The following LYSMD2 variants were observed in gnomAD, a reference collection of about 807,000 sequenced individuals.
LYSMD2 encodes LysM domain containing 2.
LYSMD2 carries 6 observed loss-of-function variants against 17.7 expected under a neutral mutation model. That is an observed-to-expected ratio of 0.34 (90% confidence interval 0.19 to 0.67). The LOEUF is 0.67. Among genes scored for constraint, LYSMD2 ranks in the 30% least tolerant of loss-of-function variants. The pLI is 0.69. For missense variants in LYSMD2, 237 were observed against 286.7 expected (o/e 0.83, Z 1.25); for synonymous variants, 102 against 129.8 (o/e 0.79, Z 1.45).
chr15:51,724,641 A>AG, intron 2 of LYSMD2, 149 bp downstream of exon 2: 2 of 512,568 alleles, frequency 3.9e-6, no homozygotes, highest in Non-Finnish European at 6.5e-6. Flanking sequence ...AAATTAAGAA[A>AG]GAAAGAAATT....
intron 1 of LYSMD2, among the ~76,000 whole-genome samples, chr15:51,748,983 G>A (rs1320809556): frequency 2.0e-5 from 3 of 152,126 alleles, no homozygotes; most frequent in Admixed American, 2.0e-4. Context: ...TTTCCTTTCT[G>A]CCATTTGACA....
intron 1 of LYSMD2, among the ~76,000 whole-genome samples, chr15:51,743,764 C>T (rs1313260021): frequency 6.6e-6 from 1 of 152,130 alleles, no homozygotes; most frequent in Non-Finnish European, 1.5e-5. Context: ...GAATACCTCC[C>T]CATTTATTCA....
chr15:51,741,855 G>A (rs957445414), upstream of LYSMD2, among the ~76,000 whole-genome samples: 15 of 151,848 alleles, frequency 9.9e-5, no homozygotes, highest in African/African-American at 2.2e-4. Context: ...GGGAGGCGGA[G>A]GTTACAGTGA....
At chr15:51,737,858 A>C, upstream of LYSMD2, 2 of 290,860 alleles carry the variant, frequency 6.9e-6, no homozygotes, top group Admixed American at 5.2e-5. The surrounding 1 kb of genome is among the most constrained non-coding windows in gnomAD (Gnocchi z 4.2). Flanking sequence ...TTAAGAGCGA[A>C]AGCAGCTCCC....
rs868812986 is a variant in LYSMD2, at chr15:51,751,217, C to G, written c.-1+54G>C. 5 of 700,572 alleles carry G rather than the reference C, an allele frequency of 7.1e-6. No individual in the cohort carries two copies. The Middle Eastern group carries it at 1.1e-3, about 161-fold the overall frequency. 43.4% of individuals were successfully genotyped at this position (700,572 alleles called of 1,614,324 possible). On this transcript the variant is annotated intron_variant, in intron 1 of 2. Coordinates refer to the LYSMD2 transcript ENST00000454181. ...CCTAGGCTGCCAACCCAACTACTCTCTCCTCCCACGCCCACGCCCAGCCAG... is the reference window on the plus strand; with the variant it reads ...CCTAGGCTGCCAACCCAACTACTCTGTCCTCCCACGCCCACGCCCAGCCAG...
rs775663983 is a variant in LYSMD2, at chr15:51,737,337, G to A, written c.273+13C>T. 8.2e-6 allele frequency: 11 copies of A among 1,346,640 alleles called. No homozygotes were observed. The East Asian group carries it at 2.8e-4, about 35-fold the overall frequency. The allele number at this position is 1,346,640 out of a possible 1,614,324, so 83.4% of individuals were successfully genotyped here. A position where few individuals can be genotyped will look rare whatever the true frequency, so the allele number is the denominator to read the frequency against. ...AGCTGCCAGCCCGGGCCGCGGCGGCGCGCCCTGCTCACCGTGACACCGTAC... is the reference window on the plus strand; with the variant it reads ...AGCTGCCAGCCCGGGCCGCGGCGGCACGCCCTGCTCACCGTGACACCGTAC... On this transcript the variant is annotated intron_variant, in intron 1 of 2. Coordinates refer to ENST00000267838, the MANE Select transcript of LYSMD2 (RefSeq NM_153374.3). The surrounding 1 kb of genome is among the most constrained non-coding windows in gnomAD (Gnocchi z 4.2).
chr15:51,725,120 A>G lies in LYSMD2; in HGVS notation c.275T>C (p.Met92Thr). ...TTTATTGGCCCTTTTAATCTGTTCC[A>G]TCTAAAATATAAAAAAGGAGACACA... ...QGIALKYGVT[M>T]EQIKRANKLF... The change falls in exon 2 of 3, where the codon ATG (methionine) becomes ACG (threonine). Residue 92 changes from methionine (M) to threonine (T), a missense_variant and splice_region_variant. Coordinates refer to ENST00000267838, the MANE Select transcript of LYSMD2 (RefSeq NM_153374.3). 1 of 1,557,542 alleles carries G rather than the reference A, an allele frequency of 6.4e-7. No individual in the cohort carries two copies. Among genetic ancestry groups the G allele is most frequent in the East Asian group, 2.3e-5 (1 of 44,394 alleles).
chr15:51,751,172 C>A, intron 1 of LYSMD2: 1 of 674,086 alleles, frequency 1.5e-6, no homozygotes, highest in South Asian at 1.6e-5. Context: ...TAACTTCCAC[C>A]TCGCTTACCT....
At chr15:51,730,041 C>T (rs1046373462) in intron 1 of LYSMD2, among the ~76,000 whole-genome samples, 2 of 152,150 alleles carry the variant, frequency 1.3e-5, no homozygotes, top group African/African-American at 4.8e-5. Context: ...TTTCAAAAGT[C>T]TCCCTTAACC....
chr15:51,730,002 TG>T, intron 1 of LYSMD2, among the ~76,000 whole-genome samples: 1 of 152,212 alleles, frequency 6.6e-6, no homozygotes, highest in East Asian at 1.9e-4. Flanking sequence ...TGAATGGGAG[TG>T]GGGAGGTACA....
intron 1 of LYSMD2, among the ~76,000 whole-genome samples, chr15:51,745,438 A>C (rs1206233789): frequency 6.6e-6 from 1 of 152,208 alleles, no homozygotes; most frequent in Non-Finnish European, 1.5e-5. Context: ...TTAATGGTAA[A>C]TTTAACACCT....
intron 1 of LYSMD2, among the ~76,000 whole-genome samples, chr15:51,734,412 C>T (rs773189639): frequency 6.6e-6 from 1 of 152,162 alleles, no homozygotes; most frequent in Admixed American, 6.5e-5. Context: ...CAGCTTGTTA[C>T]CCTTGTAATC....
chr15:51,728,238 C>A (rs73405346), intron 1 of LYSMD2, among the ~76,000 whole-genome samples: 1,669 of 151,912 alleles, frequency 0.011, 18 homozygotes, highest in African/African-American at 0.025. Flanking sequence ...ATAGCAAAAC[C>A]TCATTTCTAC....
Position 51,737,591 on chromosome 15 carries a change from C to A in LYSMD2, c.32G>T (p.Arg11Leu), listed in dbSNP as rs2055619789. The A allele has an allele frequency of 1.6e-6, 2 of 1,215,850 alleles. No individual in the cohort carries two copies. Among genetic ancestry groups the A allele is most frequent in the African/African-American group, 3.2e-5 (2 of 63,340 alleles). The allele number at this position is 1,215,850 out of a possible 1,614,324, so 75.3% of individuals were successfully genotyped here. Residue 11 changes from arginine to leucine, a missense_variant, in exon 1 of 3, where the codon CGG becomes CTG. Coordinates refer to ENST00000267838, the MANE Select transcript of LYSMD2 (RefSeq NM_153374.3). This position sits in a 1 kb window ranked among gnomAD's most constrained non-coding sequence, Gnocchi z 4.2. Reference sequence around the variant, plus strand: ...CCGCGGCGCGCGGGGGCCGCCTTCCCGCAGGGACAGTGCGGGCGAGGAATC... The same window carrying A: ...CCGCGGCGCGCGGGGGCCGCCTTCCAGCAGGGACAGTGCGGGCGAGGAATC... MADSSPALSL[R>L]EGGPRAPRPS...
rs2055615456 is a variant in LYSMD2, at chr15:51,737,210, G to T, written c.273+140C>A. On this transcript the variant is annotated intron_variant, in intron 1 of 2. Coordinates refer to ENST00000267838, the MANE Select transcript of LYSMD2 (RefSeq NM_153374.3). This position sits in a 1 kb window ranked among gnomAD's most constrained non-coding sequence, Gnocchi z 4.2. ...CGAGCCCTGGGAGCCGAGCCGCCCG[G>T]GGACGCACGGCCGTCCCTGCGACTC... 1.5e-6 allele frequency: 1 copy of T among 671,222 alleles called. No individual in the cohort carries two copies. The highest frequency in any genetic ancestry group is 2.1e-6 in the Non-Finnish European group (1 of 482,380). 41.6% of individuals were successfully genotyped at this position (671,222 alleles called of 1,614,324 possible).
intron 1 of LYSMD2, among the ~76,000 whole-genome samples, chr15:51,747,640 G>C (rs886772815): frequency 6.6e-6 from 1 of 152,136 alleles, no homozygotes; most frequent in African/African-American, 2.4e-5. Flanking sequence ...TTTGTCTCTT[G>C]AATTTCTGTG....
rs1432997674 is a variant in LYSMD2, at chr15:51,723,416, A to G, written c.*191T>C. On this transcript the variant is annotated 3_prime_UTR_variant, in exon 3 of 3. Transcript: ENST00000267838. ...CAACCTTGCCATCATGCCATAATAA[A>G]GACTTAAAATTATAGAAAGCCAGAG... 1 of 519,268 alleles carries G rather than the reference A, an allele frequency of 1.9e-6. No individual in the cohort carries two copies. The highest frequency in any genetic ancestry group is 3.4e-6 in the Non-Finnish European group (1 of 292,370). The allele number at this position is 519,268 out of a possible 1,614,324, so 32.2% of individuals were successfully genotyped here. A position where few individuals can be genotyped will look rare whatever the true frequency, so the allele number is the denominator to read the frequency against.
intron 1 of LYSMD2, among the ~76,000 whole-genome samples, chr15:51,735,791 C>T (rs1030453894): frequency 1.3e-5 from 2 of 152,174 alleles, no homozygotes; most frequent in East Asian, 1.9e-4. Flanking sequence ...AAACCACAGA[C>T]GGCTGTGGGT....
At chr15:51,751,161 C>T in intron 1 of LYSMD2, 1 of 664,952 alleles carries the variant, frequency 1.5e-6, no homozygotes, top group Non-Finnish European at 2.7e-6. Context: ...TAGAGCCTTG[C>T]TAACTTCCAC....
Sources: allele counts gnomAD v4.1 joint callset (sites outside exome capture counted in the v4.1 genomes callset), GRCh38; gene constraint gnomAD v4.1.1; non-coding constraint Gnocchi (gnomAD v3.1); transcripts MANE v1.5; gene names NCBI Gene and HGNC (gene_info 2026-07-23, HGNC 2026-07-21).